Variants in KIZ observed in about 807,000 individuals in gnomAD.
The protein encoded by KIZ is kizuna centrosomal protein.
A neutral mutation model predicts 79.6 loss-of-function variants in KIZ; 68 were observed. The observed-to-expected ratio is 0.85, with a 90% CI of 0.70 to 1.05. The LOEUF (loss-of-function observed/expected upper bound fraction) is 1.05. KIZ is among the 50% of genes least tolerant of loss of function. KIZ has a pLI of 0.00. For missense variants in KIZ, 797 were observed against 800.4 expected, an observed-to-expected ratio of 1.00 and a Z score of 0.05; for synonymous variants, 280 against 281.8, an observed-to-expected ratio of 0.99 and a Z score of 0.06.
intron 6 of KIZ, among the ~76,000 whole-genome samples, chr20:21,170,323 T>G (rs1475732981): frequency 6.6e-6 from 1 of 152,172 alleles, no homozygotes; most frequent in Non-Finnish European, 1.5e-5. Flanking sequence ...TGGTTATTTT[T>G]AAATGTACAA....
chr20:21,242,748 G>A (rs576595119), intron 11 of KIZ, among the ~76,000 whole-genome samples: 26 of 152,110 alleles, frequency 1.7e-4, no homozygotes, highest in African/African-American at 4.6e-4. Flanking sequence ...GCCCCACCCC[G>A]CCACACCTTG....
intron 1 of KIZ, among the ~76,000 whole-genome samples, chr20:21,126,534 C>G (rs1321837209): frequency 6.6e-6 from 1 of 152,122 alleles, no homozygotes; most frequent in East Asian, 1.9e-4. Context: ...TCCATCAAGC[C>G]TTGTGAGTTT....
chr20:21,214,649 A>C lies in KIZ; in HGVS notation c.1561A>C (p.Lys521Gln). The change falls in exon 8 of 13, where the codon AAG becomes CAG. Residue 521 changes from lysine to glutamine, a missense_variant. Lys to Gln is a moderately conservative substitution (Grantham distance 53). Coordinates refer to ENST00000619189, the MANE Select transcript of KIZ (RefSeq NM_018474.6). ...PSILNDNSGI[K>Q]EAKPAVWLNS... ...TATTCTGAATGACAATAGTGGAATA[A>C]AGGAAGCCAAACCTGCTGTATGGCT... is the stretch of plus-strand genomic sequence containing the variant. 6.2e-7 allele frequency: 1 copy of C among 1,613,068 alleles called. No homozygotes were observed. The highest frequency in any genetic ancestry group is 8.5e-7 in the Non-Finnish European group (1 of 1,179,100).
intron 1 of KIZ, among the ~76,000 whole-genome samples, chr20:21,126,626 A>G (rs2031493148): frequency 6.6e-6 from 1 of 152,090 alleles, no homozygotes; most frequent in Non-Finnish European, 1.5e-5. Context: ...ATCAATGATG[A>G]CAAGTCCTGG....
intron 9 of KIZ, among the ~76,000 whole-genome samples, chr20:21,219,823 G>A (rs1461300076): frequency 6.6e-6 from 1 of 152,160 alleles, no homozygotes; most frequent in African/African-American, 2.4e-5. Context: ...TAAAGAGTCT[G>A]CTATCACTTT....
chr20:21,173,654 G>A (rs1227058447), intron 6 of KIZ, among the ~76,000 whole-genome samples: 1 of 151,740 alleles, frequency 6.6e-6, no homozygotes, highest in Non-Finnish European at 1.5e-5. Context: ...AAAGGGAGTA[G>A]AAGGATGACT....
chr20:21,189,488 G>A (rs1198746846), intron 6 of KIZ, among the ~76,000 whole-genome samples: 1 of 152,164 alleles, frequency 6.6e-6, no homozygotes. Context: ...AAGGGTGGAT[G>A]GAAATACCTA....
intron 2 of KIZ, among the ~76,000 whole-genome samples, chr20:21,136,110 A>G (rs2032170979): frequency 1.3e-5 from 2 of 152,208 alleles, no homozygotes; most frequent in Admixed American, 1.3e-4. Context: ...TTGAGAAATA[A>G]ATCCATAGAA....
At chr20:21,131,548 A>G (rs1022251274) in intron 1 of KIZ, among the ~76,000 whole-genome samples, 9 of 152,154 alleles carry the variant, frequency 5.9e-5, no homozygotes, top group African/African-American at 2.2e-4. Flanking sequence ...ATCTGTACAC[A>G]AGATCTGATG....
At chr20:21,162,687 AT>A in intron 5 of KIZ, 162 bp from the exon 6 acceptor site, 2 of 799,820 alleles carry the variant, frequency 2.5e-6, no homozygotes, top group Non-Finnish European at 3.9e-6. Context: ...ACCCACTGTG[AT>A]TTTTTTAAAC....
chr20:21,228,931 A>G, intron 9 of KIZ, 80 bp from the exon 10 acceptor site: 1 of 661,014 alleles, frequency 1.5e-6, no homozygotes, highest in Non-Finnish European at 2.7e-6. Context: ...AAGAAGTGTT[A>G]ATCTCATAGG....
At chr20:21,165,578 A>G (rs1369514843) in intron 6 of KIZ, among the ~76,000 whole-genome samples, 1 of 152,224 alleles carries the variant, frequency 6.6e-6, no homozygotes, top group African/African-American at 2.4e-5. Context: ...GCATTAGTTC[A>G]TTAGGATTAA....
intron 6 of KIZ, among the ~76,000 whole-genome samples, chr20:21,177,811 A>T (rs1289871392): frequency 6.6e-6 from 1 of 152,060 alleles, no homozygotes; most frequent in Non-Finnish European, 1.5e-5. Context: ...AGTTTCTCCC[A>T]ATACCGTATG....
At chr20:21,231,274 A>C (rs954153364) in intron 10 of KIZ, among the ~76,000 whole-genome samples, 8 of 152,148 alleles carry the variant, frequency 5.3e-5, no homozygotes, top group Non-Finnish European at 8.8e-5. Context: ...CAGTGAGCTG[A>C]GATCACACCA....
At chr20:21,134,003 A>T (rs549391927) in intron 2 of KIZ, among the ~76,000 whole-genome samples, 1 of 152,198 alleles carries the variant, frequency 6.6e-6, no homozygotes, top group Non-Finnish European at 1.5e-5. Context: ...CCATGCTGCA[A>T]ACTCAGAACG....
chr20:21,147,231 G>A (rs1337348328), intron 4 of KIZ, among the ~76,000 whole-genome samples: 1 of 152,106 alleles, frequency 6.6e-6, no homozygotes, highest in Non-Finnish European at 1.5e-5. Flanking sequence ...GAGACATACA[G>A]TTGACAACCC....
intron 6 of KIZ, among the ~76,000 whole-genome samples, chr20:21,173,615 CTTTATGGATTGGGTGTG>C (rs1568945090): frequency 2.1e-5 from 3 of 144,678 alleles, no homozygotes; most frequent in Non-Finnish European, 4.5e-5. Flanking sequence ...CAGCTGGATT[CTTTATGGATTGGGTGTG>C]GGTTATAAGA....
intron 6 of KIZ, among the ~76,000 whole-genome samples, chr20:21,168,338 G>C (rs2034049781): frequency 6.6e-6 from 1 of 152,104 alleles, no homozygotes; most frequent in Non-Finnish European, 1.5e-5. Context: ...CATTTGGGTT[G>C]GTTCCAAGTT....
intron 6 of KIZ, among the ~76,000 whole-genome samples, chr20:21,189,696 C>A (rs2123013657): frequency 6.6e-6 from 1 of 152,278 alleles, no homozygotes; most frequent in African/African-American, 2.4e-5. Context: ...CGGATGGTGC[C>A]CTACCAAATG....
Sources: allele counts gnomAD v4.1 joint callset (sites outside exome capture counted in the v4.1 genomes callset), GRCh38; gene constraint gnomAD v4.1.1; transcripts MANE v1.5; gene names NCBI Gene and HGNC (gene_info 2026-07-23, HGNC 2026-07-21).